Variants in GPR37 observed in about 807,000 individuals in gnomAD.
GPR37 encodes G protein-coupled receptor 37, also known as prosaposin receptor GPR37.
In GPR37, 20 loss-of-function variants were observed where a neutral mutation model predicts 43.6. That is an observed-to-expected ratio of 0.46 (90% CI 0.32 to 0.67). GPR37 has a LOEUF of 0.67. GPR37 is among the 30% of genes least tolerant of loss of function. The probability of loss-of-function intolerance (pLI) is 0.03; values close to 1 mark genes in which losing one functional copy is unlikely to be tolerated. For synonymous variants in GPR37, 315 were observed against 322.6 expected, an observed-to-expected ratio of 0.98 and a Z score of 0.25; for missense variants, 724 against 797.2, an observed-to-expected ratio of 0.91 and a Z score of 1.11.
In GPR37 at chr7:124,748,798, A is replaced by G. The variant is rs150849975; in HGVS notation, c.1024-1455T>C. Among the ~76,000 whole-genome samples the G allele has an allele frequency of 3.0e-4, 45 of 152,288 alleles. No homozygotes were observed. In the East Asian group the frequency reaches 8.5e-3, roughly 29 times the overall value. On this transcript the variant is annotated intron_variant, in intron 1 of 1. Coordinates refer to ENST00000303921, the MANE Select transcript of GPR37 (RefSeq NM_005302.5). ...GCATATGGTCCAGACATCTAAAAAAATCAACATTTAAAGGTTAAGAACCAA... is the reference window on the plus strand; with the variant it reads ...GCATATGGTCCAGACATCTAAAAAAGTCAACATTTAAAGGTTAAGAACCAA...
In GPR37 at chr7:124,764,880, C is replaced by G; in HGVS notation, c.97G>C (p.Ala33Pro). 3 of 1,609,726 alleles carry G rather than the reference C, an allele frequency of 1.9e-6. 1 individual carries two copies. In the Middle Eastern group the frequency reaches 5.0e-4, roughly 267 times the overall value. ...SASSALGVAP[A>P]SRNETCLGES... ...CCCAGACAAGTTTCGTTTCTGGACG[C>G]AGGGGCGACCCCGAGGGCAGAAGAG... The change falls in exon 1 of 2, where the codon GCG (alanine) becomes CCG (proline). Residue 33 changes from alanine (A) to proline (P), a missense_variant. Ala to Pro is a conservative substitution (Grantham distance 27). This residue lies in a region of GPR37 where 382 missense variants were observed against 355.4 expected (regional missense o/e 1.07). Coordinates refer to ENST00000303921, the MANE Select transcript of GPR37 (RefSeq NM_005302.5). The surrounding 1 kb of genome is among the most constrained non-coding windows in gnomAD (Gnocchi z 5.4).
Position 124,745,188 on chromosome 7 carries a change from C to A in GPR37, c.*1337G>T, listed in dbSNP as rs914317648. Among the ~76,000 whole-genome samples, 2 of 152,164 alleles carry A rather than the reference C, an allele frequency of 1.3e-5. No individual in the cohort carries two copies. The highest frequency in any genetic ancestry group is 2.9e-5 in the Non-Finnish European group (2 of 68,022). Reference sequence around the variant, plus strand: ...TTATGCCGAGTAGAACAGAAATCAACAAGCAGAAACTACGTTTTCCCAGCA... The same window carrying A: ...TTATGCCGAGTAGAACAGAAATCAAAAAGCAGAAACTACGTTTTCCCAGCA... On this transcript the variant is annotated 3_prime_UTR_variant, in exon 2 of 2. Coordinates refer to ENST00000303921, the MANE Select transcript of GPR37 (RefSeq NM_005302.5).
At chr7:124,755,250 T>C (rs570005401) in intron 1 of GPR37, among the ~76,000 whole-genome samples, 100 of 152,254 alleles carry the variant, frequency 6.6e-4, no homozygotes, top group Non-Finnish European at 1.3e-3. Flanking sequence ...TGCCCACATA[T>C]AATAAATAAC....
rs1405660592 is a variant in GPR37 at position 124,764,792 on chromosome 7, G to C, written c.185C>G (p.Ser62Cys). The C allele has an allele frequency of 2.5e-6, 4 of 1,613,378 alleles. No individual in the cohort carries two copies. The African/African-American group carries it at 4.0e-5, about 16-fold the overall frequency. Residue 62 changes from serine to cysteine, a missense_variant, in exon 1 of 2, where the codon TCT becomes TGT. Ser to Cys is a moderately radical substitution (Grantham distance 112). Around this residue, in one of 2 missense-constraint regions of GPR37, gnomAD observed 382 missense variants for 355.4 expected, o/e 1.07. Transcript: ENST00000303921. This position sits in a 1 kb window ranked among gnomAD's most constrained non-coding sequence, Gnocchi z 5.4. Reference sequence around the variant, plus strand: ...TCGGGCTCGCAGAACGTCTCTTGCAGAATTTCCCGGTCCCCAGGCGTCCCT... The same window carrying C: ...TCGGGCTCGCAGAACGTCTCTTGCACAATTTCCCGGTCCCCAGGCGTCCCT... The part of the protein sequence containing the change: ...RGRDAWGPGN[S>C]ARDVLRARAP...
Position 124,747,272 on chromosome 7 carries a change from G to C in GPR37, c.1095C>G (p.Asn365Lys). 6.2e-7 allele frequency: 1 copy of C among 1,613,864 alleles called. No individual in the cohort carries two copies. The highest frequency in any genetic ancestry group is 8.5e-7 in the Non-Finnish European group (1 of 1,179,854). Reference sequence around the variant, plus strand: ...CGATCATTTCGTAGTACATCTGTACGTTGGTGGCAGCACGGAAGCGGTCTA... The same window carrying C: ...CGATCATTTCGTAGTACATCTGTACCTTGGTGGCAGCACGGAAGCGGTCTA... ...LCIDRFRAAT[N>K]VQMYYEMIEN... The change falls in exon 2 of 2, where the codon AAC (asparagine) becomes AAG (lysine). Residue 365 changes from asparagine (N) to lysine (K), a missense_variant. Around this residue, in one of 2 missense-constraint regions of GPR37, gnomAD observed 342 missense variants for 441.8 expected, o/e 0.77. Coordinates refer to ENST00000303921, the MANE Select transcript of GPR37 (RefSeq NM_005302.5).
intron 1 of GPR37, among the ~76,000 whole-genome samples, chr7:124,755,740 C>A (rs907099730): frequency 2.6e-5 from 4 of 152,100 alleles, no homozygotes; most frequent in Admixed American, 1.3e-4. Flanking sequence ...ATTACAAAAT[C>A]ATTTCAAAAT....
intron 1 of GPR37, among the ~76,000 whole-genome samples, chr7:124,756,181 GA>G (rs941592721): frequency 1.3e-5 from 2 of 152,132 alleles, no homozygotes; most frequent in African/African-American, 4.8e-5. Flanking sequence ...GAATTAGGAA[GA>G]CAATAGTAAA....
intron 1 of GPR37, among the ~76,000 whole-genome samples, chr7:124,757,624 C>T (rs1249597056): frequency 1.3e-5 from 2 of 152,186 alleles, no homozygotes; most frequent in African/African-American, 2.4e-5. Flanking sequence ...ATTTCTCCAT[C>T]TCTGGTCATA....
intron 1 of GPR37, among the ~76,000 whole-genome samples, chr7:124,760,075 A>T (rs1584726664): frequency 6.6e-6 from 1 of 152,212 alleles, no homozygotes; most frequent in Admixed American, 6.5e-5. Flanking sequence ...AATAAAATTT[A>T]AAATTAACTA....
At chr7:124,758,616 G>C (rs1793819127) in intron 1 of GPR37, among the ~76,000 whole-genome samples, 1 of 152,190 alleles carries the variant, frequency 6.6e-6, no homozygotes, top group Admixed American at 6.5e-5. Flanking sequence ...GTCAGTGCTA[G>C]CTACAATCTA....
At chr7:124,747,459 A>C (rs1793687036) in intron 1 of GPR37, 116 bp from the exon 2 acceptor site, 1 of 658,042 alleles carries the variant, frequency 1.5e-6, no homozygotes, top group East Asian at 2.7e-5. Flanking sequence ...TAAAAATGAG[A>C]GAGAGAGAGA....
chr7:124,762,084 G>A (rs1793857702), intron 1 of GPR37, among the ~76,000 whole-genome samples: 2 of 152,160 alleles, frequency 1.3e-5, no homozygotes, highest in African/African-American at 4.8e-5. Flanking sequence ...GCACTCTTAA[G>A]GAGGAGCTGA....
chr7:124,744,643 AC>A lies in GPR37; in HGVS notation c.*1881del, dbSNP rs1793650044. The A allele has an allele frequency of 6.6e-6, 1 of 152,128 alleles. No homozygotes were observed. The highest frequency in any genetic ancestry group is 2.1e-4 in the South Asian group (1 of 4,826). 9.4% of individuals were successfully genotyped at this position (152,128 alleles called of 1,614,324 possible). A position where few individuals can be genotyped will look rare whatever the true frequency, so the allele number is the denominator to read the frequency against. On this transcript the variant is annotated 3_prime_UTR_variant, in exon 2 of 2. Transcript: ENST00000303921. ...TCCCTCTATTCCAAAGTATCGCAGAACTTCACATCTTCCTGAGGCACCTAAC... is the reference window on the plus strand; with the variant it reads ...TCCCTCTATTCCAAAGTATCGCAGAATTCACATCTTCCTGAGGCACCTAAC...
chr7:124,764,459 A>C lies in GPR37; in HGVS notation c.518T>G (p.Val173Gly). 1.2e-6 allele frequency: 2 copies of C among 1,613,534 alleles called. No homozygotes were observed. The highest frequency in any genetic ancestry group is 1.7e-6 in the Non-Finnish European group (2 of 1,179,988). The change falls in exon 1 of 2, where the codon GTC becomes GGC. Residue 173 changes from valine (V) to glycine (G), a missense_variant. Physicochemically the swap from Val to Gly is moderately radical, Grantham distance 109 (BLOSUM62 -3). This residue lies in a region of GPR37 where 382 missense variants were observed against 355.4 expected (regional missense o/e 1.07). Transcript: ENST00000303921. The surrounding 1 kb of genome is among the most constrained non-coding windows in gnomAD (Gnocchi z 5.4). ...GTAAAAAAGATCGCTGGCTCCGGGG[A>C]CTGTCTTCACACTCTGCTCCTGGCT... Reference protein sequence around the residue: ...GRSQEQSVKTVPGASDLFYWP... With the variant: ...GRSQEQSVKTGPGASDLFYWP...
At chr7:124,750,193 C>A (rs891406551) in intron 1 of GPR37, among the ~76,000 whole-genome samples, 4 of 152,120 alleles carry the variant, frequency 2.6e-5, no homozygotes, top group Non-Finnish European at 5.9e-5. Flanking sequence ...TGAAACTTGA[C>A]ATTTGTATAT....
intron 1 of GPR37, among the ~76,000 whole-genome samples, chr7:124,750,354 A>T (rs4639456): frequency 5.9e-5 from 9 of 151,902 alleles, no homozygotes; most frequent in Non-Finnish European, 1.2e-4. Context: ...TATAGCCCGA[A>T]TGAGTCCACA....
chr7:124,748,031 A>T, intron 1 of GPR37, among the ~76,000 whole-genome samples: 1 of 152,274 alleles, frequency 6.6e-6, no homozygotes, highest in Admixed American at 6.5e-5. Context: ...GCACCTGCCA[A>T]TCCTGGTGAG....
rs1416018388 is a variant in GPR37, at chr7:124,746,264, C to CT, written c.*260dup. The CT allele has an allele frequency of 1.0e-4, 30 of 299,684 alleles. No individual in the cohort carries two copies. The highest frequency in any genetic ancestry group is 9.6e-4 in the Middle Eastern group (1 of 1,038). 18.6% of individuals were successfully genotyped at this position (299,684 alleles called of 1,614,324 possible). On this transcript the variant is annotated 3_prime_UTR_variant, in exon 2 of 2. Coordinates refer to ENST00000303921, the MANE Select transcript of GPR37 (RefSeq NM_005302.5). ...GCAATTTTAAGTTAAGTTGCAGTAACTTTTTTCAAATAAAATATTAGCACC... is the reference window on the plus strand; with the variant it reads ...GCAATTTTAAGTTAAGTTGCAGTAACTTTTTTTCAAATAAAATATTAGCACC...
rs1793673821 is a variant in GPR37 at position 124,746,611 on chromosome 7, C to T, written c.1756G>A (p.Glu586Lys). 2 of 1,613,896 alleles carry T rather than the reference C, an allele frequency of 1.2e-6. No homozygotes were observed. The highest frequency in any genetic ancestry group is 1.7e-6 in the Non-Finnish European group (2 of 1,179,840). The part of the protein sequence containing the change: ...STVTSDDNDN[E>K]YTTELELSPF... ...GAGAGTTCGAGTTCCGTGGTGTACT[C>T]GTTGTCATTGTCATCACTGGTCACC... The change falls in exon 2 of 2, where the codon GAG (glutamate) becomes AAG (lysine). Residue 586 changes from glutamate (E) to lysine (K), a missense_variant. This residue lies in a region of GPR37 where 342 missense variants were observed against 441.8 expected (regional missense o/e 0.77). Coordinates refer to ENST00000303921, the MANE Select transcript of GPR37 (RefSeq NM_005302.5).
Sources: gnomAD v4.1 joint callset for allele counts (sites outside exome capture counted in the v4.1 genomes callset) on GRCh38, gnomAD v4.1.1 for gene constraint, gnomAD v4.1.1 regional missense constraint, Gnocchi (gnomAD v3.1) non-coding constraint, MANE v1.5 for transcripts, NCBI Gene and HGNC (gene_info 2026-07-23, HGNC 2026-07-21) for gene names.